Variants in OR4K2 observed in about 807,000 individuals in gnomAD.
The protein encoded by OR4K2 is olfactory receptor family 4 subfamily K member 2, also known as olfactory receptor 4K2.
A neutral mutation model predicts 10.5 loss-of-function variants in OR4K2; 8 were observed. The ratio of observed to expected loss-of-function variants is 0.76; its 90% CI spans 0.45 to 1.37. The LOEUF (loss-of-function observed/expected upper bound fraction) is 1.37. Among genes scored for constraint, OR4K2 ranks in the 40% most tolerant of loss-of-function variants. The pLI is 0.00. For missense variants in OR4K2, 547 were observed against 379.5 expected (o/e 1.44, Z -3.67); for synonymous variants, 178 against 133.6 (o/e 1.33, Z -2.29).
In OR4K2 at chr14:19,875,147, T is replaced by C. The variant is rs529470579; in HGVS notation, c.-1011T>C. 3 of 152,404 alleles carry C rather than the reference T, an allele frequency of 2.0e-5. No homozygotes were observed. The East Asian group carries it at 5.8e-4, about 29-fold the overall frequency. The allele number at this position is 152,404 out of a possible 1,614,324, so 9.4% of individuals were successfully genotyped here. ...ATTTCTTGTTCAATTCCCATGTCCC[T>C]ACAACATCCATTTTATCCACAGCTG... On this transcript the variant is annotated 5_prime_UTR_variant, in exon 1 of 2. Coordinates refer to ENST00000641885, the MANE Select transcript of OR4K2 (RefSeq NM_001005501.2).
In OR4K2 at chr14:19,876,836, T is replaced by G. The variant is rs753072197; in HGVS notation, c.569T>G (p.Val190Gly). The G allele has an allele frequency of 3.1e-6, 5 of 1,614,212 alleles. No homozygotes were observed. Among genetic ancestry groups the G allele is most frequent in the Non-Finnish European group, 4.2e-6 (5 of 1,180,004 alleles). Residue 190 changes from valine (V) to glycine (G), a missense_variant, in exon 2 of 2, where the codon GTG (valine) becomes GGG (glycine). Transcript: ENST00000641885. Reference sequence around the variant, plus strand: ...CCTGTGGTGTTCCAGTTGGCTTGTGTGGATACTTATGTTCTGGGCCTCTTT... The same window carrying G: ...CCTGTGGTGTTCCAGTTGGCTTGTGGGGATACTTATGTTCTGGGCCTCTTT... The part of the protein sequence containing the change: ...DLPVVFQLAC[V>G]DTYVLGLFMI...
At position 19,881,335 on chromosome 14, in the gene OR4K2, C is replaced by A. The variant is rs1213806636; in HGVS notation, c.*4123C>A. On this transcript the variant is annotated 3_prime_UTR_variant, in exon 2 of 2. Transcript: ENST00000641885. ...TTGTTGTTTGGAATTATTTTTAATG[C>A]TCTTGGTTACACCATGAGGTAAATA... 1 of 152,210 alleles carries A rather than the reference C, an allele frequency of 6.6e-6. No homozygotes were observed. Among genetic ancestry groups the A allele is most frequent in the African/African-American group, 2.4e-5 (1 of 41,440 alleles). 9.4% of individuals were successfully genotyped at this position (152,210 alleles called of 1,614,324 possible).
In OR4K2 at chr14:19,881,097, T is replaced by C. The variant is rs968935529; in HGVS notation, c.*3885T>C. On this transcript the variant is annotated 3_prime_UTR_variant, in exon 2 of 2. Coordinates refer to ENST00000641885, the MANE Select transcript of OR4K2 (RefSeq NM_001005501.2). ...TAAACAACTCAGTTATAGCAAAATT[T>C]GTTGAGAGAGTTGGAGTAATCCTCC... The C allele has an allele frequency of 2.0e-5, 3 of 152,256 alleles. No individual in the cohort carries two copies. The highest frequency in any genetic ancestry group is 4.4e-5 in the Non-Finnish European group (3 of 68,042). 9.4% of individuals were successfully genotyped at this position (152,256 alleles called of 1,614,324 possible).
In OR4K2 at chr14:19,876,754, G is replaced by A. The variant is rs1183463266; in HGVS notation, c.487G>A (p.Ala163Thr). 1.9e-6 allele frequency: 3 copies of A among 1,614,192 alleles called. No homozygotes were observed. Among genetic ancestry groups the A allele is most frequent in the Non-Finnish European group, 2.5e-6 (3 of 1,179,990 alleles). ...GCATTCAATGAGTCAGGTCATATTT[G>A]CCCTCACGTTACCATTCTGTGGTCC... is the stretch of plus-strand genomic sequence containing the variant. ...VMHSMSQVIFALTLPFCGPYE... is the reference protein window; with the variant it reads ...VMHSMSQVIFTLTLPFCGPYE... Residue 163 changes from alanine to threonine, a missense_variant, in exon 2 of 2, where the codon GCC becomes ACC. By Grantham distance (58) the Ala-to-Thr change is moderately conservative (BLOSUM62 0). Coordinates refer to ENST00000641885, the MANE Select transcript of OR4K2 (RefSeq NM_001005501.2).
intron 1 of OR4K2, 29 bp from the exon 2 acceptor site, chr14:19,876,216 T>C (rs1195688653): frequency 3.2e-4 from 19 of 58,470 alleles, no homozygotes; most frequent in Non-Finnish European, 5.5e-4. Context: ...TGACTTTCCT[T>C]TTTTTTTTTT....
rs1369536594 is a variant in OR4K2, at chr14:19,875,494, T to C, written c.-664T>C. The C allele has an allele frequency of 6.6e-6, 1 of 152,232 alleles. No individual in the cohort carries two copies. Among genetic ancestry groups the C allele is most frequent in the Non-Finnish European group, 1.5e-5 (1 of 68,026 alleles). The allele number at this position is 152,232 out of a possible 1,614,324, so 9.4% of individuals were successfully genotyped here. ...ACTTTCCCATGAAAATGTTGTTATA[T>C]ATCCTTTGTGATATAAAATTTTAAA... On this transcript the variant is annotated 5_prime_UTR_variant, in exon 1 of 2. Transcript: ENST00000641885.
At position 19,877,520 on chromosome 14, in the gene OR4K2, A is replaced by G. The variant is rs1880939474; in HGVS notation, c.*308A>G. 7.5e-6 allele frequency: 2 copies of G among 266,166 alleles called. No homozygotes were observed. Among genetic ancestry groups the G allele is most frequent in the South Asian group, 9.1e-5 (2 of 21,896 alleles). The allele number at this position is 266,166 out of a possible 1,614,324, so 16.5% of individuals were successfully genotyped here. On this transcript the variant is annotated 3_prime_UTR_variant, in exon 2 of 2. Transcript: ENST00000641885. ...ATATAGATTAAAGCAGAACTAGGAG[A>G]TAATGACAATTACCCACAGTGAGCA...
rs148110357 is a variant in OR4K2 at position 19,877,930 on chromosome 14, T to C, written c.*718T>C. 1.3e-5 allele frequency: 2 copies of C among 152,400 alleles called. No individual in the cohort carries two copies. Among genetic ancestry groups the C allele is most frequent in the African/African-American group, 2.4e-5 (1 of 41,582 alleles). The allele number at this position is 152,400 out of a possible 1,614,324, so 9.4% of individuals were successfully genotyped here. On this transcript the variant is annotated 3_prime_UTR_variant, in exon 2 of 2. Transcript: ENST00000641885. ...ATGAGTTGCAGATCAGTACACTTTG[T>C]TTTGTGCAGACACGATGGTTGCTTA...
Position 19,882,811 on chromosome 14 carries a change from T to A in OR4K2, c.*5599T>A, listed in dbSNP as rs1594430068. On this transcript the variant is annotated 3_prime_UTR_variant, in exon 2 of 2. Transcript: ENST00000641885. ...CTTCAATTTCTGTATAATTTATCTTTCTTTTTCTTTTTTTTTTCTTTTTTT... is the reference window on the plus strand; with the variant it reads ...CTTCAATTTCTGTATAATTTATCTTACTTTTTCTTTTTTTTTTCTTTTTTT... 1 of 151,466 alleles carries A rather than the reference T, an allele frequency of 6.6e-6. No homozygotes were observed. The highest frequency in any genetic ancestry group is 2.5e-5 in the African/African-American group (1 of 40,506). 9.4% of individuals were successfully genotyped at this position (151,466 alleles called of 1,614,324 possible). A position where few individuals can be genotyped will look rare whatever the true frequency, so the allele number is the denominator to read the frequency against.
chr14:19,879,662 T>A lies in OR4K2; in HGVS notation c.*2450T>A, dbSNP rs1379340924. 6.6e-6 allele frequency: 1 copy of A among 152,218 alleles called. No individual in the cohort carries two copies. Among genetic ancestry groups the A allele is most frequent in the East Asian group, 1.9e-4 (1 of 5,206 alleles). 9.4% of individuals were successfully genotyped at this position (152,218 alleles called of 1,614,324 possible). A position where few individuals can be genotyped will look rare whatever the true frequency, so the allele number is the denominator to read the frequency against. ...AAAACTGTTAAAAATCAGGTATAGATAAAAACAGATAAAGTGTAAATTTTA... is the reference window on the plus strand; with the variant it reads ...AAAACTGTTAAAAATCAGGTATAGAAAAAAACAGATAAAGTGTAAATTTTA... On this transcript the variant is annotated 3_prime_UTR_variant, in exon 2 of 2. Transcript: ENST00000641885.
Position 19,883,656 on chromosome 14 carries a change from ACT to A in OR4K2, c.*6447_*6448del, listed in dbSNP as rs1236893022. The A allele has an allele frequency of 2.0e-5, 3 of 152,202 alleles. No homozygotes were observed. The highest frequency in any genetic ancestry group is 7.2e-5 in the African/African-American group (3 of 41,460). The allele number at this position is 152,202 out of a possible 1,614,324, so 9.4% of individuals were successfully genotyped here. On this transcript the variant is annotated 3_prime_UTR_variant, in exon 2 of 2. Coordinates refer to ENST00000641885, the MANE Select transcript of OR4K2 (RefSeq NM_001005501.2). ...ATAGTAGTTAAAGTAATTAAATAGG[ACT>A]CTATTGCACTCAAGAGATTTTAAAA... is the stretch of plus-strand genomic sequence containing the variant.
rs1880872878 is a variant in OR4K2 at position 19,875,541 on chromosome 14, T to C, written c.-617T>C. On this transcript the variant is annotated 5_prime_UTR_variant, in exon 1 of 2. Coordinates refer to ENST00000641885, the MANE Select transcript of OR4K2 (RefSeq NM_001005501.2). Reference sequence around the variant, plus strand: ...TAAATCATAGAATTATAAATATTTATAAGGAACACAGTCATATTTTAATTA... The same window carrying C: ...TAAATCATAGAATTATAAATATTTACAAGGAACACAGTCATATTTTAATTA... 1 of 152,246 alleles carries C rather than the reference T, an allele frequency of 6.6e-6. No individual in the cohort carries two copies. The highest frequency in any genetic ancestry group is 2.1e-4 in the South Asian group (1 of 4,840). The allele number at this position is 152,246 out of a possible 1,614,324, so 9.4% of individuals were successfully genotyped here. A position where few individuals can be genotyped will look rare whatever the true frequency, so the allele number is the denominator to read the frequency against.
At position 19,876,926 on chromosome 14, in the gene OR4K2, T is replaced by C. The variant is rs1439123219; in HGVS notation, c.659T>C (p.Ile220Thr). ...ATTGTTTTATTTAATTCATATGTTA[T>C]TGTCCTGGTTACTGTGAAGCATCAT... is the stretch of plus-strand genomic sequence containing the variant. ...CFIVLFNSYV[I>T]VLVTVKHHSS... Residue 220 changes from isoleucine to threonine, a missense_variant, in exon 2 of 2, where the codon ATT (isoleucine) becomes ACT (threonine). Transcript: ENST00000641885. 5 of 1,614,182 alleles carry C rather than the reference T, an allele frequency of 3.1e-6. No homozygotes were observed. Among genetic ancestry groups the C allele is most frequent in the South Asian group, 1.1e-5 (1 of 91,088 alleles).
chr14:19,880,664 T>A lies in OR4K2; in HGVS notation c.*3452T>A, dbSNP rs1881014547. The A allele has an allele frequency of 6.6e-6, 1 of 152,254 alleles. No homozygotes were observed. Among genetic ancestry groups the A allele is most frequent in the Non-Finnish European group, 1.5e-5 (1 of 68,036 alleles). 9.4% of individuals were successfully genotyped at this position (152,254 alleles called of 1,614,324 possible). A position where few individuals can be genotyped will look rare whatever the true frequency, so the allele number is the denominator to read the frequency against. Reference sequence around the variant, plus strand: ...TAAAGCTTCTGGAAACTTGTTTTTCTGTCTGTTCACAACTGTCATTAATCA... The same window carrying A: ...TAAAGCTTCTGGAAACTTGTTTTTCAGTCTGTTCACAACTGTCATTAATCA... On this transcript the variant is annotated 3_prime_UTR_variant, in exon 2 of 2. Coordinates refer to ENST00000641885, the MANE Select transcript of OR4K2 (RefSeq NM_001005501.2).
At position 19,882,234 on chromosome 14, in the gene OR4K2, C is replaced by T. The variant is rs753359451; in HGVS notation, c.*5022C>T. 1.3e-5 allele frequency: 2 copies of T among 152,416 alleles called. No individual in the cohort carries two copies. The highest frequency in any genetic ancestry group is 2.9e-5 in the Non-Finnish European group (2 of 68,162). 9.4% of individuals were successfully genotyped at this position (152,416 alleles called of 1,614,324 possible). On this transcript the variant is annotated 3_prime_UTR_variant, in exon 2 of 2. Coordinates refer to ENST00000641885, the MANE Select transcript of OR4K2 (RefSeq NM_001005501.2). ...ATCTCATCATCATCTTGCTCACCAG[C>T]GGCAATTATATCAGTAGATCCCTCT...
rs542664063 is a variant in OR4K2 at position 19,880,530 on chromosome 14, A to G, written c.*3318A>G. 6.6e-6 allele frequency: 1 copy of G among 152,184 alleles called. No individual in the cohort carries two copies. Among genetic ancestry groups the G allele is most frequent in the Non-Finnish European group, 1.5e-5 (1 of 68,028 alleles). The allele number at this position is 152,184 out of a possible 1,614,324, so 9.4% of individuals were successfully genotyped here. A position where few individuals can be genotyped will look rare whatever the true frequency, so the allele number is the denominator to read the frequency against. On this transcript the variant is annotated 3_prime_UTR_variant, in exon 2 of 2. Coordinates refer to ENST00000641885, the MANE Select transcript of OR4K2 (RefSeq NM_001005501.2). ...TTGACTTGTTTAATTTAAAAGGTAAATTTTCATTTATATGTTTTAAATATT... is the reference window on the plus strand; with the variant it reads ...TTGACTTGTTTAATTTAAAAGGTAAGTTTTCATTTATATGTTTTAAATATT...
Position 19,880,918 on chromosome 14 carries a change from T to C in OR4K2, c.*3706T>C, listed in dbSNP as rs939927966. 4.6e-5 allele frequency: 7 copies of C among 152,262 alleles called. No individual in the cohort carries two copies. The highest frequency in any genetic ancestry group is 1.7e-4 in the African/African-American group (7 of 41,464). 9.4% of individuals were successfully genotyped at this position (152,262 alleles called of 1,614,324 possible). Reference sequence around the variant, plus strand: ...GTCTTATGTGAAGTATTTTTCTGCATTGATAAGGGTTTAGGATAATGTGAT... The same window carrying C: ...GTCTTATGTGAAGTATTTTTCTGCACTGATAAGGGTTTAGGATAATGTGAT... On this transcript the variant is annotated 3_prime_UTR_variant, in exon 2 of 2. Transcript: ENST00000641885.
In OR4K2 at chr14:19,877,344, G is replaced by A; in HGVS notation, c.*132G>A. ...GCATTTTGAAACTATTCTCATGAAT[G>A]TGAATGTGTTCAAAATACATTTGAA... On this transcript the variant is annotated 3_prime_UTR_variant, in exon 2 of 2. Coordinates refer to ENST00000641885, the MANE Select transcript of OR4K2 (RefSeq NM_001005501.2). 1 of 659,268 alleles carries A rather than the reference G, an allele frequency of 1.5e-6. No homozygotes were observed. The highest frequency in any genetic ancestry group is 2.5e-6 in the Non-Finnish European group (1 of 398,352). 40.8% of individuals were successfully genotyped at this position (659,268 alleles called of 1,614,324 possible). A position where few individuals can be genotyped will look rare whatever the true frequency, so the allele number is the denominator to read the frequency against.
Position 19,876,880 on chromosome 14 carries a change from A to G in OR4K2, c.613A>G (p.Ile205Val). The G allele has an allele frequency of 1.9e-6, 3 of 1,614,208 alleles. No homozygotes were observed. Among genetic ancestry groups the G allele is most frequent in the Non-Finnish European group, 2.5e-6 (3 of 1,180,002 alleles). Residue 205 changes from isoleucine (I) to valine (V), a missense_variant, in exon 2 of 2, where the codon ATA becomes GTA. Coordinates refer to ENST00000641885, the MANE Select transcript of OR4K2 (RefSeq NM_001005501.2). ...CCTCTTTATGATCTCAACAAGTGGC[A>G]TAATTGCGTTGTCCTGTTTTATTGT... ...LGLFMISTSG[I>V]IALSCFIVLF...
Sources: allele counts gnomAD v4.1 joint callset, GRCh38; gene constraint gnomAD v4.1.1; transcripts MANE v1.5; gene names NCBI Gene and HGNC (gene_info 2026-07-23, HGNC 2026-07-21).